Variants in IDUA observed in about 807,000 individuals in gnomAD.
The protein encoded by IDUA is iduronidase alpha-L-.
In IDUA, 65 loss-of-function variants were observed where a neutral mutation model predicts 68.9. The ratio of observed to expected loss-of-function variants is 0.94; its 90% CI spans 0.77 to 1.16. The LOEUF is 1.16. IDUA is among the 50% of genes most tolerant of loss of function. The probability of loss-of-function intolerance (pLI) is 0.00; values close to 1 mark genes in which losing one functional copy is unlikely to be tolerated. For synonymous variants in IDUA, 529 were observed against 433.6 expected (o/e 1.22, Z -2.73); for missense variants, 1,046 against 938.0 (o/e 1.12, Z -1.50).
At chr4:1,002,214 G>A (rs761480871) in intron 7 of IDUA, 53 bp downstream of exon 7, 10 of 1,573,680 alleles carry the variant, frequency 6.4e-6, no homozygotes, top group Middle Eastern at 1.7e-4. Flanking sequence ...TCCCGAGACG[G>A]GACAGGCGAG....
chr4:991,849 G>A, intron 2 of IDUA: 5 of 1,523,912 alleles, frequency 3.3e-6, no homozygotes, highest in Non-Finnish European at 4.4e-6. Context: ...GCCGGGGATT[G>A]GTGCTGGGCC....
chr4:992,357 G>T (rs1367357139), intron 2 of IDUA: 1 of 370,350 alleles, frequency 2.7e-6, no homozygotes, highest in Non-Finnish European at 5.5e-6. Context: ...GTGGGTCCTG[G>T]GGCTGGCGGA....
Position 987,091 on chromosome 4 carries a change from C to G in IDUA, c.7C>G (p.Pro3Ala), listed in dbSNP as rs761444907. 8 of 1,471,836 alleles carry G rather than the reference C, an allele frequency of 5.4e-6. No individual in the cohort carries two copies. Among genetic ancestry groups the G allele is most frequent in the Non-Finnish European group, 7.2e-6 (8 of 1,117,798 alleles). The allele number at this position is 1,471,836 out of a possible 1,614,324, so 91.2% of individuals were successfully genotyped here. ...TCCCCGAGCACGCGTGGCCATGCGT[C>G]CCCTGCGCCCCCGCGCCGCGCTGCT... is the stretch of plus-strand genomic sequence containing the variant. MR[P>A]LRPRAALLAL... The change falls in exon 1 of 14, where the codon CCC (proline) becomes GCC (alanine). Residue 3 changes from proline to alanine, a missense_variant. Transcript: ENST00000514224.
At chr4:989,024 C>T in intron 2 of IDUA, 1 of 1,585,544 alleles carries the variant, frequency 6.3e-7, no homozygotes, top group Non-Finnish European at 8.6e-7. Context: ...ATGCCCAGGG[C>T]CCCGTAGTCT....
chr4:992,828 A>T (rs1714477090), intron 2 of IDUA: 1 of 152,240 alleles, frequency 6.6e-6, no homozygotes, highest in Non-Finnish European at 1.5e-5. Flanking sequence ...ACTCCAATGT[A>T]CTTTCACTTT....
chr4:991,390 G>T (rs762920004), intron 2 of IDUA: 1 of 1,612,848 alleles, frequency 6.2e-7, no homozygotes, highest in South Asian at 1.1e-5. Context: ...GGCGAAGAAG[G>T]ACGTATAGAG....
Position 1,004,208 on chromosome 4 carries a change from G to C in IDUA, c.1829-52G>C. 1.2e-6 allele frequency: 2 copies of C among 1,610,418 alleles called. No homozygotes were observed. The highest frequency in any genetic ancestry group is 1.7e-6 in the Non-Finnish European group (2 of 1,179,842). ...GCCTCGAGAAGCCTGGGGTCAGGGGGCTTTCGGGTGGGGGCAGGTTCCGGT... is the reference window on the plus strand; with the variant it reads ...GCCTCGAGAAGCCTGGGGTCAGGGGCCTTTCGGGTGGGGGCAGGTTCCGGT... On this transcript the variant is annotated intron_variant, in intron 13 of 13. Transcript: ENST00000514224. This position sits in a 1 kb window ranked among gnomAD's most constrained non-coding sequence, Gnocchi z 5.0.
chr4:991,805 G>A (rs936052196), intron 2 of IDUA: 15 of 1,531,362 alleles, frequency 9.8e-6, no homozygotes, highest in African/African-American at 1.4e-5. Flanking sequence ...CGGCAGCAAC[G>A]GGCCCCTTGG....
At position 1,004,368 on chromosome 4, in the gene IDUA, G is replaced by GGCCCCCATCC. The variant is rs1292032609; in HGVS notation, c.1938_1947dup (p.Pro650AlafsTer12). 5.6e-6 allele frequency: 9 copies of GGCCCCCATCC among 1,611,212 alleles called. No individual in the cohort carries two copies. Among genetic ancestry groups the GGCCCCCATCC allele is most frequent in the Non-Finnish European group, 7.6e-6 (9 of 1,179,960 alleles). The stretch of plus-strand genomic sequence containing the variant: ...TACCTGGAGGTCCCTGTGCCAAGAG[G>GGCCCCCATCC]GCCCCCATCCCCGGGCAATCCATGA... On this transcript the variant is annotated frameshift_variant, in exon 14 of 14. Coordinates refer to ENST00000514224, the MANE Select transcript of IDUA (RefSeq NM_000203.5). LOFTEE classifies it low-confidence loss of function (END_TRUNC). The surrounding 1 kb of genome is among the most constrained non-coding windows in gnomAD (Gnocchi z 5.0).
At chr4:999,121 T>G (rs10006578) in intron 2 of IDUA, among the ~76,000 whole-genome samples, 4,779 of 150,254 alleles carry the variant, frequency 0.032, 248 homozygotes, top group African/African-American at 0.11. Context: ...AGGAGAATGG[T>G]GTGAACCCGG....
At chr4:987,603 G>T in intron 1 of IDUA, 1 of 1,426,596 alleles carries the variant, frequency 7.0e-7, no homozygotes, top group Non-Finnish European at 9.2e-7. Context: ...GGCTGGCGTT[G>T]GCCCCTCGTC....
intron 2 of IDUA, chr4:991,029 G>A: frequency 7.9e-7 from 1 of 1,258,280 alleles, no homozygotes; most frequent in East Asian, 2.5e-5. Flanking sequence ...CACCTCCTCT[G>A]CCAACCCTGT....
At chr4:991,602 C>T in intron 2 of IDUA, 3 of 1,595,160 alleles carry the variant, frequency 1.9e-6, no homozygotes, top group Non-Finnish European at 2.6e-6. Context: ...TGCACCACAG[C>T]CTGGCCTTCA....
intron 2 of IDUA, chr4:991,669 C>T (rs1331379893): frequency 5.2e-6 from 8 of 1,537,018 alleles, no homozygotes; most frequent in Non-Finnish European, 7.0e-6. Flanking sequence ...CACCGGCCCT[C>T]TGCCCTGCTG....
intron 2 of IDUA, chr4:992,979 G>A (rs960580754): frequency 1.3e-5 from 2 of 152,248 alleles, no homozygotes; most frequent in Non-Finnish European, 2.9e-5. Context: ...CGGGTGTGTT[G>A]GGGCAGTGAG....
At chr4:1,000,513 C>A in intron 2 of IDUA, 99 bp from the exon 3 acceptor site, 1 of 958,604 alleles carries the variant, frequency 1.0e-6, no homozygotes, top group Non-Finnish European at 1.7e-6. Flanking sequence ...TGTGTGGCAC[C>A]TTGCAGGCTC....
At position 991,393 on chromosome 4, in the gene IDUA, G is replaced by A. The variant is rs751574638; in HGVS notation, c.299+3444G>A. On this transcript the variant is annotated intron_variant, in intron 2 of 13. Transcript: ENST00000514224. ...GTAGATGAGGTTGGCGAAGAAGGAC[G>A]TATAGAGGCTGTAGATGGGCTGCAG... is the stretch of plus-strand genomic sequence containing the variant. 41 of 1,612,716 alleles carry A rather than the reference G, an allele frequency of 2.5e-5. No individual in the cohort carries two copies. Among genetic ancestry groups the A allele is most frequent in the Middle Eastern group, 1.6e-4 (1 of 6,082 alleles).
At chr4:990,871 C>A in intron 2 of IDUA, 1 of 500,510 alleles carries the variant, frequency 2.0e-6, no homozygotes, top group South Asian at 3.3e-5. Flanking sequence ...CCACACCTGG[C>A]CTGCTGGTCC....
chr4:1,001,746 A>C lies in IDUA; in HGVS notation c.657A>C (p.Gly219=). The change falls in exon 6 of 14, where the codon GGA becomes GGC. Residue 219 remains glycine, a synonymous_variant. Transcript: ENST00000514224. Reference sequence around the variant, plus strand: ...CCGCCAGCCCCGCCCTGCGGCTGGGAGGCCCCGGCGACTCCTTCCACACCC... The same window carrying C: ...CCGCCAGCCCCGCCCTGCGGCTGGGCGGCCCCGGCGACTCCTTCCACACCC... The part of the protein sequence containing the change: ...LRAASPALRL[G]GPGDSFHTPP... The C allele has an allele frequency of 1.3e-6, 2 of 1,594,606 alleles. No individual in the cohort carries two copies. Among genetic ancestry groups the C allele is most frequent in the East Asian group, 2.3e-5 (1 of 44,014 alleles).
Sources: allele counts gnomAD v4.1 joint callset (sites outside exome capture counted in the v4.1 genomes callset), GRCh38; gene constraint gnomAD v4.1.1; non-coding constraint Gnocchi (gnomAD v3.1); transcripts MANE v1.5; gene names NCBI Gene and HGNC (gene_info 2026-07-23, HGNC 2026-07-21).